Variants in KMT2C observed in about 807,000 individuals in gnomAD.
The protein encoded by KMT2C is histone-lysine N-methyltransferase 2C.
In KMT2C, 88 loss-of-function variants were observed where a neutral mutation model predicts 507.9. The observed-to-expected ratio is 0.17, with a 90% CI of 0.15 to 0.21. KMT2C has a LOEUF of 0.21. Ranked by LOEUF, KMT2C falls within the 10% of genes least tolerant of loss-of-function variation. The pLI is 1.00. For synonymous variants in KMT2C, 2,049 were observed against 2,080.8 expected (o/e 0.98, Z 0.42); for missense variants, 4,954 against 5,957.8 (o/e 0.83, Z 5.55).
At chr7:152,208,860 A>T (rs2094378711) in intron 23 of KMT2C, among the ~76,000 whole-genome samples, 1 of 152,168 alleles carries the variant, frequency 6.6e-6, no homozygotes, top group Non-Finnish European at 1.5e-5. Context: ...GCTTATGACT[A>T]AGCCATGAAA....
chr7:152,270,612 G>C (rs1199736696), intron 7 of KMT2C, among the ~76,000 whole-genome samples: 6 of 152,066 alleles, frequency 3.9e-5, no homozygotes, highest in Admixed American at 3.3e-4. Flanking sequence ...ATTCCTCAAG[G>C]TCTGTGTAGT....
intron 18 of KMT2C, among the ~76,000 whole-genome samples, chr7:152,229,524 G>T (rs1325686745): frequency 5.3e-5 from 8 of 152,264 alleles, no homozygotes; most frequent in African/African-American, 1.4e-4. Flanking sequence ...ATGTCATTTT[G>T]TATACGAGTG....
chr7:152,152,602 A>G (rs2091722927), intron 49 of KMT2C, 103 bp downstream of exon 49: 1 of 1,379,994 alleles, frequency 7.2e-7, no homozygotes, highest in Admixed American at 1.8e-5. Context: ...ATACGCCAGC[A>G]TGTTACCTGT....
chr7:152,199,054 A>G (rs189650076), intron 27 of KMT2C, among the ~76,000 whole-genome samples: 1 of 152,272 alleles, frequency 6.6e-6, no homozygotes, highest in African/African-American at 2.4e-5. Context: ...GTTTTCCTTC[A>G]CAACTCTTGA....
intron 52 of KMT2C, 135 bp downstream of exon 52, chr7:152,147,898 G>C: frequency 1.1e-6 from 1 of 920,252 alleles, no homozygotes; most frequent in African/African-American, 1.7e-5. Flanking sequence ...ACAAACATTG[G>C]CATTTGTAAA....
In KMT2C at chr7:152,359,490, C is replaced by T. The variant is rs544033597; in HGVS notation, c.162-815G>A. ...TTTTAAACTCTTTAAAAGAAAAAGGCTGGGTAAGGTGGCTCACACCTGTAA... is the reference window on the plus strand; with the variant it reads ...TTTTAAACTCTTTAAAAGAAAAAGGTTGGGTAAGGTGGCTCACACCTGTAA... On this transcript the variant is annotated intron_variant, in intron 1 of 58. Coordinates refer to ENST00000262189, the MANE Select transcript of KMT2C (RefSeq NM_170606.3). 1.8e-4 allele frequency among the ~76,000 whole-genome samples: 28 copies of T among 152,166 alleles called. 1 individual carries two copies. The highest frequency in any genetic ancestry group is 1.2e-3 in the South Asian group (6 of 4,822).
chr7:152,173,658 T>A (rs1050826642), intron 39 of KMT2C, among the ~76,000 whole-genome samples: 16 of 152,230 alleles, frequency 1.1e-4, no homozygotes, highest in African/African-American at 3.9e-4. Flanking sequence ...ACAAACTCTG[T>A]AACTCCAACT....
intron 6 of KMT2C, among the ~76,000 whole-genome samples, chr7:152,284,953 C>T (rs892979711): frequency 6.6e-6 from 1 of 152,154 alleles, no homozygotes; most frequent in Non-Finnish European, 1.5e-5. Context: ...ACTCTCAGAT[C>T]TCTAGAAACG....
At chr7:152,299,396 G>A (rs2096546269) in intron 6 of KMT2C, among the ~76,000 whole-genome samples, 1 of 151,860 alleles carries the variant, frequency 6.6e-6, no homozygotes, top group Non-Finnish European at 1.5e-5. Context: ...GCTCACACCT[G>A]TAATCCCAGC....
chr7:152,139,827 G>GACA (rs776135680), intron 55 of KMT2C, 36 bp from the exon 56 acceptor site: 2 of 1,425,320 alleles, frequency 1.4e-6, no homozygotes, highest in South Asian at 2.4e-5. Flanking sequence ...CAATTTATGT[G>GACA]ACAACAAGTC....
intron 6 of KMT2C, among the ~76,000 whole-genome samples, chr7:152,295,558 AG>A (rs1267445409): frequency 6.6e-6 from 1 of 152,212 alleles, no homozygotes; most frequent in African/African-American, 2.4e-5. Context: ...AAATATTTTC[AG>A]ATTCCCTCAG....
chr7:152,400,866 A>G (rs2097568210), intron 1 of KMT2C, among the ~76,000 whole-genome samples: 3 of 140,624 alleles, frequency 2.1e-5, no homozygotes, highest in Non-Finnish European at 4.7e-5. Flanking sequence ...ACTGAAGGAA[A>G]TAGGACTAAG....
In KMT2C at chr7:152,274,076, A is replaced by G. The variant is rs561900501; in HGVS notation, c.850-209T>C. Among the ~76,000 whole-genome samples the G allele has an allele frequency of 3.9e-5, 6 of 152,270 alleles. No homozygotes were observed. The East Asian group carries it at 7.7e-4, about 20-fold the overall frequency. On this transcript the variant is annotated intron_variant, in intron 6 of 58. Coordinates refer to ENST00000262189, the MANE Select transcript of KMT2C (RefSeq NM_170606.3). ...TGCTACCAACTCATCCTTCCATTCA[A>G]ATTAGAAAGTTAGAATTTCATTCCT... is the stretch of plus-strand genomic sequence containing the variant.
intron 1 of KMT2C, among the ~76,000 whole-genome samples, chr7:152,431,182 A>C (rs2097859180): frequency 6.6e-6 from 1 of 152,214 alleles, no homozygotes; most frequent in South Asian, 2.1e-4. Flanking sequence ...TCAAGTTTAC[A>C]TATTAGTAAC....
At chr7:152,145,631 G>A (rs982556764) in intron 53 of KMT2C, among the ~76,000 whole-genome samples, 10 of 152,162 alleles carry the variant, frequency 6.6e-5, no homozygotes, top group African/African-American at 2.4e-4. Context: ...CAAACACAGG[G>A]CATGTAATGA....
chr7:152,427,201 A>G (rs1020367997), intron 1 of KMT2C, among the ~76,000 whole-genome samples: 28 of 152,018 alleles, frequency 1.8e-4, no homozygotes, highest in African/African-American at 6.8e-4. Context: ...GTTTTAGTAG[A>G]GACGGGGTTT....
intron 2 of KMT2C, among the ~76,000 whole-genome samples, chr7:152,333,285 C>T (rs2096901310): frequency 6.6e-6 from 1 of 152,068 alleles, no homozygotes; most frequent in Non-Finnish European, 1.5e-5. Context: ...GCACATGTCA[C>T]CACATTCTTT....
rs567275534 is a variant in KMT2C at position 152,150,460 on chromosome 7, AC to A, written c.12774+439del. On this transcript the variant is annotated intron_variant, in intron 51 of 58. Transcript: ENST00000262189. ...GGTGAAACCCCATCTCTACTAAACT[AC>A]AAAAATTAGCTGGGCGTGGTGGCAC... is the stretch of plus-strand genomic sequence containing the variant. 1.7e-3 allele frequency among the ~76,000 whole-genome samples: 265 copies of A among 152,126 alleles called. 2 individuals are homozygous for A. Among genetic ancestry groups the A allele is most frequent in the Non-Finnish European group, 1.4e-3 (95 of 68,000 alleles).
intron 31 of KMT2C, among the ~76,000 whole-genome samples, chr7:152,192,727 A>G (rs1200873839): frequency 6.6e-6 from 1 of 152,198 alleles, no homozygotes; most frequent in East Asian, 1.9e-4. Context: ...TTTCATGTAT[A>G]TACAAAGTTG....
Sources: gnomAD v4.1 joint callset for allele counts (sites outside exome capture counted in the v4.1 genomes callset) on GRCh38, gnomAD v4.1.1 for gene constraint, MANE v1.5 for transcripts, NCBI Gene and HGNC (gene_info 2026-07-23, HGNC 2026-07-21) for gene names.